UNC13B: variants seen among roughly 807,000 people sequenced by gnomAD.
UNC13B encodes unc-13 homolog B, also known as protein unc-13 homolog B.
A neutral mutation model predicts 211.0 loss-of-function variants in UNC13B; 144 were observed. The observed-to-expected ratio is 0.68, with a 90% CI of 0.60 to 0.78. The LOEUF is 0.78. Ranked by LOEUF, UNC13B falls within the 30% of genes least tolerant of loss-of-function variation. The pLI is 0.00. For synonymous variants in UNC13B, 709 were observed against 725.8 expected (o/e 0.98, Z 0.37); for missense variants, 1,777 against 2,002.0 (o/e 0.89, Z 2.14).
chr9:35,203,988 G>A (rs1445554951), intron 1 of UNC13B, among the ~76,000 whole-genome samples: 1 of 152,216 alleles, frequency 6.6e-6, no homozygotes, highest in Non-Finnish European at 1.5e-5. Context: ...GGCCTAGGAA[G>A]GAAGAATGAT....
rs1489217699 is a variant in UNC13B, at chr9:35,236,591, G to A, written c.270+5G>A. 19 of 1,612,440 alleles carry A rather than the reference G, an allele frequency of 1.2e-5. No homozygotes were observed. The highest frequency in any genetic ancestry group is 1.5e-5 in the Non-Finnish European group (18 of 1,178,576). On this transcript the variant is annotated splice_donor_5th_base_variant and intron_variant, in intron 4 of 39. Transcript: ENST00000635942. ...ACTATTCGTCAGTCGGATGAGGTCA[G>A]TCATTGCATTTTCTGTTTGGAAGTA...
chr9:35,228,504 A>G (rs1824994065), intron 2 of UNC13B, among the ~76,000 whole-genome samples: 1 of 151,140 alleles, frequency 6.6e-6, no homozygotes, highest in African/African-American at 2.4e-5. Flanking sequence ...ACCCCACGAC[A>G]GGCCCCAGTG....
At chr9:35,377,964 A>G (rs2132233509) in intron 16 of UNC13B, among the ~76,000 whole-genome samples, 1 of 151,734 alleles carries the variant, frequency 6.6e-6, no homozygotes, top group East Asian at 1.9e-4. Flanking sequence ...TTGATATTAT[A>G]AGAGGTGGGG....
At chr9:35,366,708 C>A (rs1425887375) in intron 11 of UNC13B, among the ~76,000 whole-genome samples, 3 of 152,150 alleles carry the variant, frequency 2.0e-5, no homozygotes, top group Non-Finnish European at 2.9e-5. Context: ...TTCAGCCCTG[C>A]AAACTCAGTG....
chr9:35,230,290 G>A (rs1316364864), intron 2 of UNC13B, among the ~76,000 whole-genome samples: 1 of 151,940 alleles, frequency 6.6e-6, no homozygotes, highest in Non-Finnish European at 1.5e-5. Flanking sequence ...GGCCAACGTG[G>A]TGAAACCCCA....
At chr9:35,202,166 C>G (rs1306309058) in intron 1 of UNC13B, among the ~76,000 whole-genome samples, 1 of 152,122 alleles carries the variant, frequency 6.6e-6, no homozygotes, top group Admixed American at 6.6e-5. Flanking sequence ...GTTTCTTAAT[C>G]CTGAGTTCTA....
intron 7 of UNC13B, among the ~76,000 whole-genome samples, chr9:35,271,897 G>C (rs545594810): frequency 6.6e-6 from 1 of 152,318 alleles, no homozygotes; most frequent in East Asian, 1.9e-4. Context: ...GTGTAAATTA[G>C]TACAACCTTT....
At chr9:35,324,624 C>T (rs1830910375) in intron 11 of UNC13B, among the ~76,000 whole-genome samples, 1 of 152,088 alleles carries the variant, frequency 6.6e-6, no homozygotes, top group Admixed American at 6.6e-5. Context: ...CTTATTGGAC[C>T]TCTTTGCAGT....
rs1829684285 is a variant in UNC13B at position 35,301,542 on chromosome 9, A to T, written c.2138A>T (p.Asp713Val). 2.5e-6 allele frequency: 1 copy of T among 398,782 alleles called. No individual in the cohort carries two copies. The highest frequency in any genetic ancestry group is 4.4e-5 in the Admixed American group (1 of 22,692). 24.7% of individuals were successfully genotyped at this position (398,782 alleles called of 1,614,324 possible). A position where few individuals can be genotyped will look rare whatever the true frequency, so the allele number is the denominator to read the frequency against. ...SSSIIALNGS[D>V]EETTGWFQMP... The stretch of plus-strand genomic sequence containing the variant: ...AGCATCATTGCTTTAAATGGGAGTG[A>T]TGAAGAAACTACGGGCTGGTTCCAG... The change falls in exon 9 of 40, where the codon GAT becomes GTT. Residue 713 changes from aspartate (D) to valine (V), a missense_variant. By Grantham distance (152) the Asp-to-Val change is radical. Transcript: ENST00000635942.
At chr9:35,376,333 A>G in intron 15 of UNC13B, 86 bp downstream of exon 15, 1 of 1,344,744 alleles carries the variant, frequency 7.4e-7, no homozygotes, top group Non-Finnish European at 1.0e-6. Context: ...GGATGGCTGA[A>G]CCAATCATTC....
At chr9:35,257,051 G>A (rs1320997420) in intron 6 of UNC13B, among the ~76,000 whole-genome samples, 1 of 151,830 alleles carries the variant, frequency 6.6e-6, no homozygotes, top group Non-Finnish European at 1.5e-5. Context: ...AAAATTTTGG[G>A]ATTCCTCATG....
At chr9:35,375,940 A>G (rs1009779154) in intron 14 of UNC13B, 88 bp from the exon 15 acceptor site, 1 of 1,333,614 alleles carries the variant, frequency 7.5e-7, no homozygotes, top group Admixed American at 1.7e-5. Flanking sequence ...AGATCATACC[A>G]CTGCACTCCA....
At chr9:35,384,484 G>C in intron 22 of UNC13B, 170 bp downstream of exon 22, 4 of 985,412 alleles carry the variant, frequency 4.1e-6, no homozygotes, top group Non-Finnish European at 2.4e-6. Context: ...TAACTCCAGG[G>C]ACCATGTGGT....
chr9:35,353,093 G>A (rs1335757837), intron 11 of UNC13B: 4 of 1,232,062 alleles, frequency 3.2e-6, no homozygotes, highest in Non-Finnish European at 4.0e-6. Context: ...TCTGAGCTGT[G>A]ACAGCATGAT....
chr9:35,331,863 C>A (rs527996641), intron 11 of UNC13B, among the ~76,000 whole-genome samples: 1 of 152,274 alleles, frequency 6.6e-6, no homozygotes, highest in African/African-American at 2.4e-5. Context: ...TCAAGCATCA[C>A]TTTTAATCTC....
intron 1 of UNC13B, among the ~76,000 whole-genome samples, chr9:35,195,888 G>A (rs867196577): frequency 2.6e-5 from 4 of 151,938 alleles, no homozygotes; most frequent in East Asian, 2.0e-4. Flanking sequence ...GAGATGTCAC[G>A]GTCCATCTTT....
chr9:35,173,691 T>C (rs1821456006), intron 1 of UNC13B, among the ~76,000 whole-genome samples: 1 of 152,182 alleles, frequency 6.6e-6, no homozygotes, highest in South Asian at 2.1e-4. Context: ...CCCAAAGTGT[T>C]AGGATTACAG....
At chr9:35,400,592 T>C in intron 37 of UNC13B, 149 bp downstream of exon 37, 1 of 912,444 alleles carries the variant, frequency 1.1e-6, no homozygotes, top group Non-Finnish European at 1.6e-6. Flanking sequence ...TGATGGGACC[T>C]CAGTACTTAC....
intron 22 of UNC13B, 115 bp from the exon 23 acceptor site, chr9:35,385,609 A>C (rs1835136513): frequency 3.5e-6 from 5 of 1,433,318 alleles, no homozygotes; most frequent in African/African-American, 1.4e-5. Flanking sequence ...GGCCAGCTCA[A>C]CTAGAGAAAA....
Sources: gnomAD v4.1 joint callset for allele counts (sites outside exome capture counted in the v4.1 genomes callset) on GRCh38, gnomAD v4.1.1 for gene constraint, MANE v1.5 for transcripts, NCBI Gene and HGNC (gene_info 2026-07-23, HGNC 2026-07-21) for gene names.